TSGA10: variants seen among roughly 807,000 people sequenced by gnomAD.
The protein encoded by TSGA10 is testis specific 10, also known as testis-specific gene 10 protein.
Under a neutral mutation model 96.6 loss-of-function variants are expected in TSGA10, and 43 were observed. The observed-to-expected ratio is 0.44, with a 90% confidence interval of 0.35 to 0.57. The LOEUF is 0.57. Among genes scored for constraint, TSGA10 ranks in the 20% least tolerant of loss-of-function variants. The pLI, the probability that TSGA10 is intolerant of heterozygous loss-of-function variation, is 0.01. For synonymous variants in TSGA10, 229 were observed against 269.9 expected (o/e 0.85, Z 1.48); for missense variants, 703 against 834.4 (o/e 0.84, Z 1.94).
At chr2:99,125,814 G>C (rs1171383001) in intron 2 of TSGA10, 1 of 152,202 alleles carries the variant, frequency 6.6e-6, no homozygotes, top group Non-Finnish European at 1.5e-5. Context: ...CTAGGCCTCT[G>C]CCATTACCAC....
chr2:99,106,870 T>C (rs1033909641), intron 7 of TSGA10, among the ~76,000 whole-genome samples: 1 of 152,134 alleles, frequency 6.6e-6, no homozygotes, highest in African/African-American at 2.4e-5. Context: ...TCTGCTCCTC[T>C]ATGTACAGTT....
intron 10 of TSGA10, chr2:99,102,628 C>A: frequency 1.2e-6 from 2 of 1,614,084 alleles, no homozygotes; most frequent in Non-Finnish European, 1.7e-6. Context: ...ACTTTTAGGC[C>A]TGAACTGCTT....
intron 16 of TSGA10, among the ~76,000 whole-genome samples, chr2:99,059,242 G>C (rs937004883): frequency 1.1e-4 from 16 of 151,536 alleles, no homozygotes; most frequent in African/African-American, 3.4e-4. Context: ...CAATGTATTA[G>C]CCAGTTTAAC....
At chr2:99,142,935 CA>C (rs1322593460) in intron 1 of TSGA10, among the ~76,000 whole-genome samples, 2 of 151,922 alleles carry the variant, frequency 1.3e-5, no homozygotes, top group Non-Finnish European at 2.9e-5. Context: ...TTATGTATGC[CA>C]CCTAGACGGT....
At chr2:99,068,401 A>AG (rs2104488567) in intron 15 of TSGA10, among the ~76,000 whole-genome samples, 1 of 152,300 alleles carries the variant, frequency 6.6e-6, no homozygotes, top group Non-Finnish European at 1.5e-5. Flanking sequence ...CCACACATGC[A>AG]CCACACTTAT....
chr2:99,022,331 A>C (rs995408670), intron 17 of TSGA10, among the ~76,000 whole-genome samples: 1 of 149,806 alleles, frequency 6.7e-6, no homozygotes, highest in African/African-American at 2.4e-5. Flanking sequence ...TCTCAAAAAA[A>C]AAAAAAAAAA....
intron 16 of TSGA10, among the ~76,000 whole-genome samples, chr2:99,045,123 A>G (rs1006887582): frequency 2.6e-5 from 4 of 152,190 alleles, no homozygotes; most frequent in Admixed American, 1.3e-4. Context: ...TAAAAGAACT[A>G]GAGAAGCAAG....
At position 99,046,390 on chromosome 2, in the gene TSGA10, A is replaced by C. The variant is rs547195183; in HGVS notation, c.1405-10951T>G. 5.1e-4 allele frequency among the ~76,000 whole-genome samples: 77 copies of C among 152,336 alleles called. No homozygotes were observed. The East Asian group carries it at 0.01, about 20-fold the overall frequency. The stretch of plus-strand genomic sequence containing the variant: ...CAAACTGTCTCTCAGACCACAGTGC[A>C]ATCAACTAAAACTCAGGATGAAGAA... On this transcript the variant is annotated intron_variant, in intron 16 of 20. Coordinates refer to ENST00000393483, the MANE Select transcript of TSGA10 (RefSeq NM_025244.4).
chr2:99,121,131 G>C (rs1051776684), intron 2 of TSGA10, among the ~76,000 whole-genome samples: 4 of 152,108 alleles, frequency 2.6e-5, no homozygotes, highest in Non-Finnish European at 5.9e-5. Flanking sequence ...CAACTGAGTA[G>C]GATATAAGTT....
Position 99,026,553 on chromosome 2 carries a change from G to A in TSGA10, c.1615-6071C>T, listed in dbSNP as rs574402156. On this transcript the variant is annotated intron_variant, in intron 17 of 20. Transcript: ENST00000393483. ...TCCTGCCTCAGCCTCCCAAGTAGCTGCGACTACAAGCACCTGCCACCACGC... is the reference window on the plus strand; with the variant it reads ...TCCTGCCTCAGCCTCCCAAGTAGCTACGACTACAAGCACCTGCCACCACGC... Among the ~76,000 whole-genome samples, 4 of 152,010 alleles carry A rather than the reference G, an allele frequency of 2.6e-5. No individual in the cohort carries two copies. The South Asian group carries it at 8.3e-4, about 32-fold the overall frequency.
At chr2:99,069,602 C>A (rs2085678391) in intron 14 of TSGA10, among the ~76,000 whole-genome samples, 1 of 150,154 alleles carries the variant, frequency 6.7e-6, no homozygotes, top group Admixed American at 6.7e-5. Flanking sequence ...AGTTTGAGAC[C>A]AGCCTGAACA....
chr2:99,128,187 G>A (rs2092922300), intron 1 of TSGA10, among the ~76,000 whole-genome samples: 1 of 152,146 alleles, frequency 6.6e-6, no homozygotes. Context: ...ACCTTATGAT[G>A]CACTCTGTGT....
At chr2:99,115,594 T>C (rs757371141) in intron 4 of TSGA10, among the ~76,000 whole-genome samples, 9 of 152,184 alleles carry the variant, frequency 5.9e-5, no homozygotes, top group South Asian at 2.1e-4. Context: ...TATTGCACTA[T>C]TATGGCCAGG....
chr2:99,090,459 G>A (rs2089183509), intron 10 of TSGA10, among the ~76,000 whole-genome samples: 1 of 151,958 alleles, frequency 6.6e-6, no homozygotes, highest in African/African-American at 2.4e-5. Flanking sequence ...AATTCAGAAG[G>A]TCAGTTATTA....
At chr2:99,125,056 C>T (rs1291464537) in intron 2 of TSGA10, 1 of 152,182 alleles carries the variant, frequency 6.6e-6, no homozygotes, top group Non-Finnish European at 1.5e-5. Context: ...TTCATCCCCT[C>T]TCCCTCCAAT....
chr2:99,142,849 C>T (rs927102006), intron 1 of TSGA10, among the ~76,000 whole-genome samples: 3 of 151,986 alleles, frequency 2.0e-5, no homozygotes, highest in East Asian at 1.9e-4. Context: ...TTGAAGACTT[C>T]GGGGGTGGGG....
chr2:99,033,831 C>T (rs755774333), intron 17 of TSGA10, among the ~76,000 whole-genome samples: 27 of 151,604 alleles, frequency 1.8e-4, no homozygotes, highest in East Asian at 3.9e-4. Flanking sequence ...CAGAGCGAAA[C>T]GAAACAAAAC....
At position 99,154,935 on chromosome 2, in the gene TSGA10, C is replaced by T. The variant is rs1269721855; in HGVS notation, c.-863G>A. The T allele has an allele frequency of 2.2e-6, 1 of 449,864 alleles. No homozygotes were observed. Among genetic ancestry groups the T allele is most frequent in the Non-Finnish European group, 4.5e-6 (1 of 223,174 alleles). 27.9% of individuals were successfully genotyped at this position (449,864 alleles called of 1,614,324 possible). On this transcript the variant is annotated 5_prime_UTR_variant, in exon 1 of 21. Transcript: ENST00000393483. Reference sequence around the variant, plus strand: ...CTCCTTCTCTTGCGCTTCAGGGGGCCGGCCCTCAGGGGGCGGGGCAGCATC... The same window carrying T: ...CTCCTTCTCTTGCGCTTCAGGGGGCTGGCCCTCAGGGGGCGGGGCAGCATC...
At position 99,122,791 on chromosome 2, in the gene TSGA10, CA is replaced by C. The variant is rs756084115; in HGVS notation, c.-491-4106del. ...GGATGACAGAGCAAGACCCTGTCTC[CA>C]AAAAAAAAAAAGAAAGAAAGAAATT... On this transcript the variant is annotated intron_variant, in intron 2 of 20. Transcript: ENST00000393483. Among the ~76,000 whole-genome samples the C allele has an allele frequency of 4.0e-3, 547 of 135,356 alleles. 3 individuals are homozygous for C. The highest frequency in any genetic ancestry group is 8.3e-3 in the African/African-American group (307 of 37,076). The allele number at this position is 135,356 out of a possible 152,430, so 88.8% of individuals were successfully genotyped here.
Sources: allele counts gnomAD v4.1 joint callset (sites outside exome capture counted in the v4.1 genomes callset), GRCh38; gene constraint gnomAD v4.1.1; transcripts MANE v1.5; gene names NCBI Gene and HGNC (gene_info 2026-07-23, HGNC 2026-07-21).